Variants in AK8 observed in about 807,000 individuals in gnomAD.
AK8 encodes the protein adenylate kinase 8.
AK8 carries 44 observed loss-of-function variants against 54.6 expected under a neutral mutation model. That is an observed-to-expected ratio of 0.81 (90% CI 0.63 to 1.04). The LOEUF is 1.04. Ranked by LOEUF, AK8 falls within the 50% of genes least tolerant of loss-of-function variation. AK8 has a pLI of 0.00. For missense variants in AK8, 555 were observed against 613.6 expected, an observed-to-expected ratio of 0.90 and a Z score of 1.01; for synonymous variants, 239 against 245.6, an observed-to-expected ratio of 0.97 and a Z score of 0.25.
intron 11 of AK8, among the ~76,000 whole-genome samples, chr9:132,785,622 T>G (rs938639496): frequency 6.6e-6 from 1 of 152,108 alleles, no homozygotes; most frequent in African/African-American, 2.4e-5. Context: ...GAAACCATAA[T>G]GAAGCACAAA....
At chr9:132,818,526 G>T (rs1841434417) in intron 9 of AK8, among the ~76,000 whole-genome samples, 1 of 152,050 alleles carries the variant, frequency 6.6e-6, no homozygotes, top group Non-Finnish European at 1.5e-5. Context: ...ACAAGCAAAA[G>T]ATGCATATTT....
chr9:132,872,970 C>T (rs1843920424), intron 2 of AK8, among the ~76,000 whole-genome samples: 1 of 152,230 alleles, frequency 6.6e-6, no homozygotes, highest in East Asian at 1.9e-4. Flanking sequence ...CGCCACCACG[C>T]CCAGCTAATT....
At chr9:132,832,095 A>C in intron 5 of AK8, among the ~76,000 whole-genome samples, 2 of 135,182 alleles carry the variant, frequency 1.5e-5, no homozygotes, top group African/African-American at 2.7e-5. Context: ...AAAAAAGGCC[A>C]GCATTTCTTC....
chr9:132,854,375 C>T (rs1347411468), intron 5 of AK8, among the ~76,000 whole-genome samples: 1 of 152,210 alleles, frequency 6.6e-6, no homozygotes, highest in Non-Finnish European at 1.5e-5. Context: ...CTGAGCCCTC[C>T]CCTGCCCTCT....
At chr9:132,792,895 T>G (rs916227816) in intron 10 of AK8, 120 bp from the exon 11 acceptor site, 30 of 1,237,744 alleles carry the variant, frequency 2.4e-5, no homozygotes, top group Non-Finnish European at 2.9e-5. Context: ...TGGAGCCACT[T>G]GGAACCACTT....
In AK8 at chr9:132,860,471, G is replaced by A. The variant is rs965289366; in HGVS notation, c.333+3194C>T. 3.9e-5 allele frequency among the ~76,000 whole-genome samples: 6 copies of A among 152,228 alleles called. No individual in the cohort carries two copies. Among genetic ancestry groups the A allele is most frequent in the East Asian group, 3.9e-4 (2 of 5,190 alleles). On this transcript the variant is annotated intron_variant, in intron 4 of 12. Transcript: ENST00000298545. The surrounding 1 kb of genome is among the most constrained non-coding windows in gnomAD (Gnocchi z 4.4). ...TCGTTCACATCTGGCGGACTCGAAC[G>A]CAGGTAGAGGACAGGGAGAGTTCTA... is the stretch of plus-strand genomic sequence containing the variant.
intron 11 of AK8, among the ~76,000 whole-genome samples, chr9:132,744,450 C>CA (rs1837544131): frequency 6.8e-6 from 1 of 147,316 alleles, no homozygotes; most frequent in African/African-American, 2.5e-5. Context: ...ATGCTGTTTT[C>CA]AAAATAAAAA....
At chr9:132,752,857 C>T (rs1244110760) in intron 11 of AK8, among the ~76,000 whole-genome samples, 1 of 152,098 alleles carries the variant, frequency 6.6e-6, no homozygotes, top group Non-Finnish European at 1.5e-5. Flanking sequence ...GTCAGCTTGC[C>T]CCTACTCCAT....
chr9:132,878,763 T>TA (rs1269690967), upstream of AK8: 16 of 985,718 alleles, frequency 1.6e-5, no homozygotes, highest in Admixed American at 5.5e-4. This position sits in a 1 kb window ranked among gnomAD's most constrained non-coding sequence, Gnocchi z 4.7. Flanking sequence ...GCCCAACTCC[T>TA]AGAGTCGAGC....
chr9:132,873,391 A>G (rs1363944259), intron 2 of AK8, among the ~76,000 whole-genome samples: 1 of 152,124 alleles, frequency 6.6e-6, no homozygotes, highest in Non-Finnish European at 1.5e-5. Flanking sequence ...ACGTCTCTAC[A>G]TTTTAAGATG....
chr9:132,875,044 T>A, intron 2 of AK8, 71 bp downstream of exon 2: 1 of 1,579,178 alleles, frequency 6.3e-7, no homozygotes, highest in Non-Finnish European at 8.6e-7. Context: ...GGCAGAGGAG[T>A]CAGGGAAGAA....
chr9:132,741,552 C>T (rs1308635815), intron 11 of AK8, among the ~76,000 whole-genome samples: 2 of 152,194 alleles, frequency 1.3e-5, no homozygotes, highest in African/African-American at 4.8e-5. Flanking sequence ...CCACTCAGAT[C>T]CCCCTTCCAG....
intron 5 of AK8, among the ~76,000 whole-genome samples, chr9:132,832,147 T>A (rs1338048336): frequency 5.4e-4 from 57 of 105,348 alleles, no homozygotes; most frequent in African/African-American, 1.4e-3. Flanking sequence ...CACTGACATT[T>A]AAAAAAAAAA....
At position 132,878,232 on chromosome 9, in the gene AK8, G is replaced by T; in HGVS notation, c.24C>A (p.His8Gln). 2 of 1,434,394 alleles carry T rather than the reference G, an allele frequency of 1.4e-6. No homozygotes were observed. Among genetic ancestry groups the T allele is most frequent in the Non-Finnish European group, 1.8e-6 (2 of 1,088,662 alleles). 88.9% of individuals were successfully genotyped at this position (1,434,394 alleles called of 1,614,324 possible). MDATIAP[H>Q]RIPPEMPQYG... ...ACTGGGGCATCTCGGGGGGGATACGGTGCGGGGCGATAGTGGCGTCCATGT... is the reference window on the plus strand; with the variant it reads ...ACTGGGGCATCTCGGGGGGGATACGTTGCGGGGCGATAGTGGCGTCCATGT... The change falls in exon 1 of 13, where the codon CAC becomes CAA. Residue 8 changes from histidine to glutamine, a missense_variant. His to Gln is a conservative substitution (Grantham distance 24). Transcript: ENST00000298545. This position sits in a 1 kb window ranked among gnomAD's most constrained non-coding sequence, Gnocchi z 4.7.
chr9:132,801,268 A>G (rs1388748128), intron 10 of AK8, among the ~76,000 whole-genome samples: 1 of 152,128 alleles, frequency 6.6e-6, no homozygotes, highest in African/African-American at 2.4e-5. Context: ...GACAAAAGAG[A>G]CCATTCAAAA....
At chr9:132,844,562 C>T (rs1335157589) in intron 5 of AK8, among the ~76,000 whole-genome samples, 1 of 152,098 alleles carries the variant, frequency 6.6e-6, no homozygotes, top group African/African-American at 2.4e-5. Flanking sequence ...TTTGAACAAC[C>T]AAAGCACATA....
intron 5 of AK8, among the ~76,000 whole-genome samples, chr9:132,829,540 A>G (rs1842022491): frequency 6.6e-6 from 1 of 152,024 alleles, no homozygotes; most frequent in African/African-American, 2.4e-5. Context: ...GTGAAAACAA[A>G]ACCCCACTTT....
intron 11 of AK8, among the ~76,000 whole-genome samples, chr9:132,736,133 C>G (rs1300063248): frequency 6.6e-6 from 1 of 150,698 alleles, no homozygotes; most frequent in Non-Finnish European, 1.5e-5. Context: ...TGTCATTGAC[C>G]AAAATGTCGT....
At position 132,747,045 on chromosome 9, in the gene AK8, G is replaced by C. The variant is rs192215487; in HGVS notation, c.1122-19511C>G. Reference sequence around the variant, plus strand: ...AACAGTATTCTCAATGCATATATGCGGCAACTGAGGCTCAGGGTAGCCAAG... The same window carrying C: ...AACAGTATTCTCAATGCATATATGCCGCAACTGAGGCTCAGGGTAGCCAAG... On this transcript the variant is annotated intron_variant, in intron 11 of 12. Coordinates refer to ENST00000298545, the MANE Select transcript of AK8 (RefSeq NM_152572.3). Among the ~76,000 whole-genome samples the C allele has an allele frequency of 7.8e-4, 119 of 152,172 alleles. 1 individual carries two copies. Among genetic ancestry groups the C allele is most frequent in the Admixed American group, 4.3e-3 (66 of 15,300 alleles).
Sources: gnomAD v4.1 joint callset for allele counts (sites outside exome capture counted in the v4.1 genomes callset) on GRCh38, gnomAD v4.1.1 for gene constraint, Gnocchi (gnomAD v3.1) non-coding constraint, MANE v1.5 for transcripts, NCBI Gene and HGNC (gene_info 2026-07-23, HGNC 2026-07-21) for gene names.